USH2A: variants seen among roughly 807,000 people sequenced by gnomAD.
USH2A encodes the protein usherin.
In USH2A, 443 loss-of-function variants were observed where a neutral mutation model predicts 538.9. The ratio of observed to expected loss-of-function variants is 0.82; its 90% CI spans 0.76 to 0.89. USH2A has a LOEUF of 0.89. Ranked by LOEUF, USH2A falls within the 40% of genes least tolerant of loss-of-function variation. The pLI, the probability that USH2A is intolerant of heterozygous loss-of-function variation, is 0.00. For missense variants in USH2A, 6,633 were observed against 6,324.8 expected (o/e 1.05, Z -1.65); for synonymous variants, 2,413 against 2,273.5 (o/e 1.06, Z -1.75).
chr1:216,042,290 G>A (rs770336027), intron 32 of USH2A, among the ~76,000 whole-genome samples: 3 of 151,772 alleles, frequency 2.0e-5, no homozygotes, highest in Non-Finnish European at 2.9e-5. Flanking sequence ...AATATGACAG[G>A]ATTCTCAGGT....
rs112915149 is a variant in USH2A, at chr1:216,057,565, T to C, written c.6050-8918A>G. Among the ~76,000 whole-genome samples, 458 of 152,188 alleles carry C rather than the reference T, an allele frequency of 3.0e-3. 5 individuals carry two copies. The highest frequency in any genetic ancestry group is 0.011 in the African/African-American group (447 of 41,500). ...AAACAGATGTGTTGGCATGCACCTG[T>C]AGTCCCAGCTACTTGGGAAGCTGAG... On this transcript the variant is annotated intron_variant, in intron 30 of 71. Transcript: ENST00000307340.
At chr1:216,071,512 T>C (rs182012499) in intron 29 of USH2A, among the ~76,000 whole-genome samples, 38 of 152,278 alleles carry the variant, frequency 2.5e-4, no homozygotes, top group Non-Finnish European at 4.4e-4. Context: ...AATAATTAAA[T>C]AGTGCAATTA....
intron 38 of USH2A, among the ~76,000 whole-genome samples, chr1:215,932,055 T>C (rs1666377570): frequency 6.6e-6 from 1 of 151,978 alleles, no homozygotes; most frequent in South Asian, 2.1e-4. Flanking sequence ...CCAACTCTTT[T>C]CTTATTATGT....
chr1:215,855,501 T>G (rs1664139721), intron 44 of USH2A, among the ~76,000 whole-genome samples: 1 of 152,060 alleles, frequency 6.6e-6, no homozygotes. Flanking sequence ...AAACCATAGA[T>G]GACACAAATG....
At chr1:215,750,903 C>T (rs1311212288) in intron 58 of USH2A, among the ~76,000 whole-genome samples, 1 of 152,058 alleles carries the variant, frequency 6.6e-6, no homozygotes, top group Non-Finnish European at 1.5e-5. Flanking sequence ...TAGCAAAATG[C>T]CTAGCATATA....
At chr1:215,659,620 A>G (rs1375987621) in intron 64 of USH2A, among the ~76,000 whole-genome samples, 1 of 152,138 alleles carries the variant, frequency 6.6e-6, no homozygotes. Context: ...GTTCACAGCA[A>G]CTTTCCTGGG....
chr1:215,999,152 C>T (rs2102482115), intron 33 of USH2A, 94 bp from the exon 34 acceptor site: 2 of 1,090,064 alleles, frequency 1.8e-6, no homozygotes, highest in East Asian at 4.8e-5. Context: ...GGATTTGTGA[C>T]ACTTTTTTAA....
At chr1:216,285,373 T>C (rs1571660350) in intron 11 of USH2A, among the ~76,000 whole-genome samples, 1 of 152,112 alleles carries the variant, frequency 6.6e-6, no homozygotes, top group South Asian at 2.1e-4. Context: ...TTCCACATGG[T>C]GTTGGGCCTG....
intron 9 of USH2A, among the ~76,000 whole-genome samples, chr1:216,296,106 T>C (rs1215584774): frequency 6.6e-6 from 1 of 151,732 alleles, no homozygotes; most frequent in African/African-American, 2.4e-5. Flanking sequence ...ACAAAGTGAG[T>C]TTTTTCTACT....
At chr1:215,654,324 T>A (rs901720885) in intron 64 of USH2A, among the ~76,000 whole-genome samples, 2 of 152,122 alleles carry the variant, frequency 1.3e-5, no homozygotes, top group Admixed American at 1.3e-4. Flanking sequence ...TCCCCCAGCC[T>A]CCACCCTCTT....
chr1:216,088,890 G>A, intron 23 of USH2A, 123 bp downstream of exon 23: 2 of 1,444,198 alleles, frequency 1.4e-6, no homozygotes, highest in Non-Finnish European at 1.9e-6. Flanking sequence ...AAATTCAACA[G>A]CAATATATAT....
At chr1:216,263,621 A>G (rs2036417057) in intron 11 of USH2A, among the ~76,000 whole-genome samples, 1 of 152,150 alleles carries the variant, frequency 6.6e-6, no homozygotes, top group South Asian at 2.1e-4. Context: ...AATGTACCTC[A>G]ATAATAAAGG....
chr1:216,253,865 T>C (rs917006492), intron 11 of USH2A, among the ~76,000 whole-genome samples: 4 of 152,342 alleles, frequency 2.6e-5, no homozygotes, highest in African/African-American at 7.2e-5. Flanking sequence ...GAGATTTTCA[T>C]TGGCACTCCA....
chr1:216,203,133 C>G (rs2035034759), intron 16 of USH2A, among the ~76,000 whole-genome samples: 1 of 151,974 alleles, frequency 6.6e-6, no homozygotes, highest in Non-Finnish European at 1.5e-5. Flanking sequence ...TAGTAGTCCC[C>G]TCTTATCCAC....
chr1:216,069,521 G>C (rs1212476045), intron 30 of USH2A, among the ~76,000 whole-genome samples: 2 of 152,098 alleles, frequency 1.3e-5, no homozygotes, highest in African/African-American at 2.4e-5. Flanking sequence ...TCATGAAGCT[G>C]AAAAATGCTC....
At position 215,878,928 on chromosome 1, in the gene USH2A, C is replaced by T. The variant is rs763875413; in HGVS notation, c.8394G>A (p.Gly2798=). 2 of 1,613,958 alleles carry T rather than the reference C, an allele frequency of 1.2e-6. No individual in the cohort carries two copies. Among genetic ancestry groups the T allele is most frequent in the Admixed American group, 1.7e-5 (1 of 59,996 alleles). The change falls in exon 42 of 72, where the codon GGG becomes GGA. Residue 2798 remains glycine (G), a synonymous_variant. Coordinates refer to ENST00000307340, the MANE Select transcript of USH2A (RefSeq NM_206933.4). The stretch of plus-strand genomic sequence containing the variant: ...TGCACCCTCCAAGGTACCCATTACC[C>T]CCTGAGCAAGCAACAATGGTGACAG... The part of the protein sequence containing the change: ...NYSVTIVACS[G]GNGYLGGCTE...
At chr1:216,014,635 G>A (rs2102495835) in intron 32 of USH2A, among the ~76,000 whole-genome samples, 1 of 152,314 alleles carries the variant, frequency 6.6e-6, no homozygotes, top group South Asian at 2.1e-4. Flanking sequence ...CCATTTGCTT[G>A]ATTGCATCAT....
At chr1:216,279,020 A>G (rs906604988) in intron 11 of USH2A, among the ~76,000 whole-genome samples, 2 of 152,118 alleles carry the variant, frequency 1.3e-5, no homozygotes, top group African/African-American at 2.4e-5. Flanking sequence ...TGCTTCTTTC[A>G]CTGATGCCTT....
chr1:216,051,451 T>A (rs1472729456), intron 30 of USH2A, among the ~76,000 whole-genome samples: 1 of 152,274 alleles, frequency 6.6e-6, no homozygotes, highest in African/African-American at 2.4e-5. Context: ...ATCTTTGGCA[T>A]TTGCCATGTC....
Sources: gnomAD v4.1 joint callset for allele counts (sites outside exome capture counted in the v4.1 genomes callset) on GRCh38, gnomAD v4.1.1 for gene constraint, MANE v1.5 for transcripts, NCBI Gene and HGNC (gene_info 2026-07-23, HGNC 2026-07-21) for gene names.